The following SYT13 variants were observed in gnomAD, a reference collection of about 807,000 sequenced individuals.
SYT13 encodes the protein synaptotagmin-13.
In SYT13, 21 loss-of-function variants were observed where a neutral mutation model predicts 38.6. That is an observed-to-expected ratio of 0.54 (90% CI 0.39 to 0.78). The LOEUF is 0.78. SYT13 is among the 30% of genes least tolerant of loss of function. The pLI is 0.00. For synonymous variants in SYT13, 241 were observed against 237.6 expected, an observed-to-expected ratio of 1.01 and a Z score of -0.13; for missense variants, 495 against 548.7, an observed-to-expected ratio of 0.90 and a Z score of 0.98.
At chr11:45,246,541 G>A (rs765201439) in intron 4 of SYT13, 29 bp from the exon 5 acceptor site, 1 of 1,611,580 alleles carries the variant, frequency 6.2e-7, no homozygotes, top group Non-Finnish European at 8.5e-7. Flanking sequence ...TGCAGGAGGG[G>A]AGTCTCACCT....
intron 1 of SYT13, chr11:45,258,637 T>C (rs995166286): frequency 6.6e-6 from 1 of 152,142 alleles, no homozygotes; most frequent in Non-Finnish European, 1.5e-5. Context: ...TATGTGTAAA[T>C]AACACATGAT....
At chr11:45,277,146 A>G (rs1855020343) in intron 1 of SYT13, among the ~76,000 whole-genome samples, 1 of 152,248 alleles carries the variant, frequency 6.6e-6, no homozygotes, top group Non-Finnish European at 1.5e-5. Context: ...AGCCAGTCAC[A>G]AAAGACCACA....
Position 45,252,664 on chromosome 11 carries a change from A to T in SYT13, c.603T>A (p.Asn201Lys). The stretch of plus-strand genomic sequence containing the variant: ...TCTGAGCCTCCACAGAGCCGGTCCT[A>T]TTGGCCACACTCCCTTGGACGTAGC... ...CDCYVQGSVANRTGSVEAQTA... is the reference protein window; with the variant it reads ...CDCYVQGSVAKRTGSVEAQTA... The change falls in exon 4 of 6, where the codon AAT becomes AAA. Residue 201 changes from asparagine to lysine, a missense_variant. By Grantham distance (94) the Asn-to-Lys change is moderately conservative. Transcript: ENST00000020926. The surrounding 1 kb of genome is among the most constrained non-coding windows in gnomAD (Gnocchi z 4.3). 1 of 1,611,066 alleles carries T rather than the reference A, an allele frequency of 6.2e-7. No homozygotes were observed. The highest frequency in any genetic ancestry group is 8.5e-7 in the Non-Finnish European group (1 of 1,177,620).
chr11:45,240,741 T>C lies in SYT13; in HGVS notation c.*3311A>G, dbSNP rs1854540479. On this transcript the variant is annotated 3_prime_UTR_variant, in exon 6 of 6. Coordinates refer to ENST00000020926, the MANE Select transcript of SYT13 (RefSeq NM_020826.3). ...ATGAGGGCAGACTCCCGATTTTCTA[T>C]CCCCGTAGAAATCTCTGAAGAAAGA... 6.6e-6 allele frequency: 1 copy of C among 152,246 alleles called. No individual in the cohort carries two copies. The highest frequency in any genetic ancestry group is 1.5e-5 in the Non-Finnish European group (1 of 68,050). 9.4% of individuals were successfully genotyped at this position (152,246 alleles called of 1,614,324 possible). A position where few individuals can be genotyped will look rare whatever the true frequency, so the allele number is the denominator to read the frequency against.
At chr11:45,276,503 G>A (rs1238734461) in intron 1 of SYT13, among the ~76,000 whole-genome samples, 1 of 152,060 alleles carries the variant, frequency 6.6e-6, no homozygotes, top group Non-Finnish European at 1.5e-5. Context: ...GATGAGTGCA[G>A]CAAACCATCA....
intron 1 of SYT13, among the ~76,000 whole-genome samples, chr11:45,271,872 T>C (rs1590527225): frequency 6.6e-6 from 1 of 152,072 alleles, no homozygotes; most frequent in East Asian, 1.9e-4. Flanking sequence ...AGGCTTCCCT[T>C]TCCAAAAAAG....
At chr11:45,251,385 C>CAAA (rs1854672238) in intron 4 of SYT13, among the ~76,000 whole-genome samples, 5 of 13,286 alleles carry the variant, frequency 3.8e-4, no homozygotes, top group African/African-American at 1.3e-3. Flanking sequence ...GAGACTCTGT[C>CAAA]TAAAAAAAAA....
At chr11:45,274,400 T>A (rs554340711) in intron 1 of SYT13, among the ~76,000 whole-genome samples, 1 of 152,214 alleles carries the variant, frequency 6.6e-6, no homozygotes, top group Admixed American at 6.5e-5. Context: ...AGAGACGAGA[T>A]CATTAGATGA....
chr11:45,247,921 T>C (rs948312049), intron 4 of SYT13, among the ~76,000 whole-genome samples: 1 of 152,150 alleles, frequency 6.6e-6, no homozygotes, highest in Non-Finnish European at 1.5e-5. Context: ...AAAATGCATA[T>C]AGCAAGTTCT....
chr11:45,271,272 T>G (rs1854945946), intron 1 of SYT13, among the ~76,000 whole-genome samples: 1 of 152,158 alleles, frequency 6.6e-6, no homozygotes, highest in African/African-American at 2.4e-5. Context: ...AAAAGATAGA[T>G]AAAAATAGAA....
In SYT13 at chr11:45,255,704, C is replaced by T. The variant is rs145069333; in HGVS notation, c.371G>A (p.Arg124Lys). ...GATGAACAGCTCCTCTGTGACCTGC[C>T]TCTTGAGGCGACTGTCATTCGGGGG... Reference protein sequence around the residue: ...PQPPNDSRLKRQVTEELFILP... With the variant: ...PQPPNDSRLKKQVTEELFILP... The change falls in exon 2 of 6, where the codon AGG (arginine) becomes AAG (lysine). Residue 124 changes from arginine to lysine, a missense_variant. Coordinates refer to ENST00000020926, the MANE Select transcript of SYT13 (RefSeq NM_020826.3). The T allele has an allele frequency of 6.2e-7, 1 of 1,614,126 alleles. No homozygotes were observed. Among genetic ancestry groups the T allele is most frequent in the Admixed American group, 1.7e-5 (1 of 60,018 alleles).
chr11:45,248,149 G>A (rs1462025269), intron 4 of SYT13, among the ~76,000 whole-genome samples: 1 of 152,200 alleles, frequency 6.6e-6, no homozygotes, highest in Non-Finnish European at 1.5e-5. Context: ...CAAGTCTTGA[G>A]GGACTGGTCA....
intron 1 of SYT13, chr11:45,258,645 G>A (rs1239809917): frequency 6.6e-6 from 1 of 152,218 alleles, no homozygotes; most frequent in Non-Finnish European, 1.5e-5. Flanking sequence ...AATAACACAT[G>A]ATGGCCAGTG....
chr11:45,277,901 C>T (rs1451033647), intron 1 of SYT13, among the ~76,000 whole-genome samples: 1 of 152,182 alleles, frequency 6.6e-6, no homozygotes, highest in African/African-American at 2.4e-5. Context: ...CTGGTTTGCC[C>T]CATTATACCA....
Position 45,285,824 on chromosome 11 carries a change from C to T in SYT13, c.183+201G>A, listed in dbSNP as rs1406113522. 8.1e-6 allele frequency: 6 copies of T among 737,664 alleles called. No homozygotes were observed. The African/African-American group carries it at 1.0e-4, about 13-fold the overall frequency. The allele number at this position is 737,664 out of a possible 1,614,324, so 45.7% of individuals were successfully genotyped here. A position where few individuals can be genotyped will look rare whatever the true frequency, so the allele number is the denominator to read the frequency against. ...GCCGCTCCCTAATTCTCCTTCAGGT[C>T]TCGTCTCCCCCATCCCCTAGCCTCC... On this transcript the variant is annotated intron_variant, in intron 1 of 5. Coordinates refer to ENST00000020926, the MANE Select transcript of SYT13 (RefSeq NM_020826.3).
chr11:45,254,683 G>A (rs537875728), intron 2 of SYT13: 14 of 333,606 alleles, frequency 4.2e-5, no homozygotes, highest in South Asian at 1.6e-4. Context: ...TTTCTAAAAC[G>A]CCTACATATT....
At chr11:45,263,774 G>A (rs946275200) in intron 1 of SYT13, among the ~76,000 whole-genome samples, 2 of 152,202 alleles carry the variant, frequency 1.3e-5, no homozygotes, top group African/African-American at 4.8e-5. Context: ...TCTAAAACAA[G>A]ACAGCTTAGT....
At chr11:45,262,257 C>T (rs977514019) in intron 1 of SYT13, among the ~76,000 whole-genome samples, 5 of 152,176 alleles carry the variant, frequency 3.3e-5, no homozygotes, top group Non-Finnish European at 7.3e-5. Flanking sequence ...AAATGAAATA[C>T]TTAGAGTCCT....
At position 45,243,918 on chromosome 11, in the gene SYT13, TGA is replaced by T; in HGVS notation, c.*132_*133del. 1 of 916,468 alleles carries T rather than the reference TGA, an allele frequency of 1.1e-6. No individual in the cohort carries two copies. The highest frequency in any genetic ancestry group is 1.7e-6 in the Non-Finnish European group (1 of 603,854). 56.8% of individuals were successfully genotyped at this position (916,468 alleles called of 1,614,324 possible). A position where few individuals can be genotyped will look rare whatever the true frequency, so the allele number is the denominator to read the frequency against. ...TTATTTCTAAGAAACAAGAGTATGATGAGAGAGCCATCCCAGCCTTGCAAACA... is the reference window on the plus strand; with the variant it reads ...TTATTTCTAAGAAACAAGAGTATGATGAGAGCCATCCCAGCCTTGCAAACA... On this transcript the variant is annotated 3_prime_UTR_variant, in exon 6 of 6. Transcript: ENST00000020926.
Sources: allele counts gnomAD v4.1 joint callset (sites outside exome capture counted in the v4.1 genomes callset), GRCh38; gene constraint gnomAD v4.1.1; non-coding constraint Gnocchi (gnomAD v3.1); transcripts MANE v1.5; gene names NCBI Gene and HGNC (gene_info 2026-07-23, HGNC 2026-07-21).